STXBP5L: variants seen among roughly 807,000 people sequenced by gnomAD.
STXBP5L encodes syntaxin-binding protein 5-like.
Under a neutral mutation model 144.5 loss-of-function variants are expected in STXBP5L, and 65 were observed. The observed-to-expected ratio is 0.45, with a 90% CI of 0.37 to 0.55. The LOEUF (loss-of-function observed/expected upper bound fraction) is 0.55. STXBP5L is among the 20% of genes least tolerant of loss of function. The pLI is 0.00. For missense variants in STXBP5L, 1,298 were observed against 1,405.5 expected, an observed-to-expected ratio of 0.92 and a Z score of 1.22; for synonymous variants, 505 against 469.6, an observed-to-expected ratio of 1.08 and a Z score of -0.97.
intron 5 of STXBP5L, among the ~76,000 whole-genome samples, chr3:121,095,638 A>G (rs2043080010): frequency 6.6e-6 from 1 of 152,116 alleles, no homozygotes; most frequent in Non-Finnish European, 1.5e-5. Context: ...TAGCTCCATC[A>G]GGTCATTTAA....
chr3:120,915,904 T>G (rs180855668), intron 2 of STXBP5L, among the ~76,000 whole-genome samples: 6 of 152,260 alleles, frequency 3.9e-5, no homozygotes, highest in Non-Finnish European at 7.4e-5. Context: ...AGAGACTTGA[T>G]TAAATGAAGC....
chr3:121,369,607 G>T (rs1336145438), intron 20 of STXBP5L, among the ~76,000 whole-genome samples: 1 of 151,662 alleles, frequency 6.6e-6, no homozygotes, highest in Non-Finnish European at 1.5e-5. Flanking sequence ...CTTGAAGTCT[G>T]CAGTCACTTC....
chr3:121,274,730 ATT>A, intron 18 of STXBP5L, among the ~76,000 whole-genome samples: 1 of 152,146 alleles, frequency 6.6e-6, no homozygotes, highest in Non-Finnish European at 1.5e-5. Context: ...GCATATACAG[ATT>A]GCCTATAGAG....
At position 121,279,966 on chromosome 3, in the gene STXBP5L, A is replaced by T; in HGVS notation, c.2110+10A>T. 1 of 1,609,396 alleles carries T rather than the reference A, an allele frequency of 6.2e-7. No homozygotes were observed. The highest frequency in any genetic ancestry group is 1.1e-5 in the South Asian group (1 of 90,170). On this transcript the variant is annotated intron_variant, in intron 19 of 26. Transcript: ENST00000471454. ...AAACAGTTCATTGCAGGTAGGAGATAAAACAAGATGAGTTATGAACTTGAT... is the reference window on the plus strand; with the variant it reads ...AAACAGTTCATTGCAGGTAGGAGATTAAACAAGATGAGTTATGAACTTGAT...
In STXBP5L at chr3:121,413,298, G is replaced by A; in HGVS notation, c.3089G>A (p.Ser1030Asn). ...SPTEIQRLTY[S>N]QEMCDNLQDM... Reference sequence around the variant, plus strand: ...ACTGAAATTCAGCGGTTAACATACAGCCAAGAAATGTGTGATAATCTACAG... The same window carrying A: ...ACTGAAATTCAGCGGTTAACATACAACCAAGAAATGTGTGATAATCTACAG... Residue 1030 changes from serine (S) to asparagine (N), a missense_variant, in exon 24 of 27, where the codon AGC becomes AAC. Coordinates refer to ENST00000471454, the MANE Select transcript of STXBP5L (RefSeq NM_001308330.2). The A allele has an allele frequency of 6.3e-7, 1 of 1,584,054 alleles. No individual in the cohort carries two copies. Among genetic ancestry groups the A allele is most frequent in the Non-Finnish European group, 8.6e-7 (1 of 1,168,368 alleles).
chr3:121,090,086 C>G (rs534756148), intron 5 of STXBP5L, among the ~76,000 whole-genome samples: 14 of 151,922 alleles, frequency 9.2e-5, no homozygotes, highest in Non-Finnish European at 8.8e-5. Context: ...TTTTTTCATT[C>G]AAATTGAGGT....
chr3:120,993,801 T>G (rs1056296014), intron 3 of STXBP5L, among the ~76,000 whole-genome samples: 4 of 152,074 alleles, frequency 2.6e-5, no homozygotes, highest in Admixed American at 6.6e-5. Context: ...TGGTTCCATA[T>G]AAATTTTAGG....
At chr3:121,298,421 G>T (rs550021766) in intron 19 of STXBP5L, among the ~76,000 whole-genome samples, 1 of 152,136 alleles carries the variant, frequency 6.6e-6, no homozygotes, top group Admixed American at 6.5e-5. Flanking sequence ...TCTTAGCAAA[G>T]AATTCTTGAA....
At chr3:121,005,866 G>T (rs528850196) in intron 3 of STXBP5L, among the ~76,000 whole-genome samples, 75 of 152,286 alleles carry the variant, frequency 4.9e-4, no homozygotes, top group African/African-American at 1.7e-3. Flanking sequence ...GTGGTTTTGA[G>T]TGAGTTTCTT....
intron 3 of STXBP5L, among the ~76,000 whole-genome samples, chr3:120,986,651 A>G (rs1942313773): frequency 6.6e-6 from 1 of 151,982 alleles, no homozygotes; most frequent in South Asian, 2.1e-4. Context: ...TAATATTAGT[A>G]TAGACACACC....
chr3:121,140,765 G>A (rs1335602270), intron 7 of STXBP5L, among the ~76,000 whole-genome samples: 1 of 152,146 alleles, frequency 6.6e-6, no homozygotes, highest in Non-Finnish European at 1.5e-5. Context: ...ATGAGGACAT[G>A]TTGGTCAAAG....
At chr3:121,379,026 G>T in intron 21 of STXBP5L, 140 bp downstream of exon 21, 1 of 898,700 alleles carries the variant, frequency 1.1e-6, no homozygotes, top group South Asian at 1.8e-5. Context: ...AGCCTGATGG[G>T]GCTGTGGCCA....
chr3:121,224,396 A>G (rs2049058223), intron 11 of STXBP5L, among the ~76,000 whole-genome samples: 2 of 152,174 alleles, frequency 1.3e-5, no homozygotes, highest in South Asian at 4.1e-4. Context: ...AGTTACTAGG[A>G]CAGACAATTT....
chr3:121,106,542 A>G (rs2043719697), intron 5 of STXBP5L, among the ~76,000 whole-genome samples: 1 of 152,020 alleles, frequency 6.6e-6, no homozygotes, highest in African/African-American at 2.4e-5. Context: ...AATGGCTTTG[A>G]GCTCCATCCT....
chr3:121,280,436 T>G (rs2051019931), intron 19 of STXBP5L, among the ~76,000 whole-genome samples: 1 of 151,898 alleles, frequency 6.6e-6, no homozygotes. Flanking sequence ...ATGATGACCT[T>G]CCTGAAGGTA....
chr3:121,259,174 T>A lies in STXBP5L; in HGVS notation c.1958+6T>A. 6.5e-7 allele frequency: 1 copy of A among 1,529,472 alleles called. No individual in the cohort carries two copies. Among genetic ancestry groups the A allele is most frequent in the South Asian group, 1.4e-5 (1 of 72,924 alleles). The allele number at this position is 1,529,472 out of a possible 1,614,324, so 94.7% of individuals were successfully genotyped here. ...GTAAGCTCAGCATATGGAATGTAAG[T>A]AATTAAACTTTTTTATGATATGTAT... On this transcript the variant is annotated splice_donor_region_variant and intron_variant, in intron 18 of 26. Coordinates refer to ENST00000471454, the MANE Select transcript of STXBP5L (RefSeq NM_001308330.2).
chr3:121,290,691 C>G (rs1028583404), intron 19 of STXBP5L, among the ~76,000 whole-genome samples: 1 of 152,118 alleles, frequency 6.6e-6, no homozygotes, highest in Non-Finnish European at 1.5e-5. Context: ...AACAGCATAT[C>G]AAGAAGATAA....
chr3:121,342,803 A>G (rs1406695399), intron 20 of STXBP5L, among the ~76,000 whole-genome samples: 2 of 147,422 alleles, frequency 1.4e-5, no homozygotes, highest in Non-Finnish European at 3.0e-5. Context: ...GCCACAATAA[A>G]CATACATGTG....
chr3:121,222,882 T>A, intron 10 of STXBP5L, 121 bp from the exon 11 acceptor site: 2 of 1,127,070 alleles, frequency 1.8e-6, no homozygotes, highest in East Asian at 2.8e-5. Context: ...GCCGGGCAAG[T>A]TTTTTGCTGT....
Sources: gnomAD v4.1 joint callset for allele counts (sites outside exome capture counted in the v4.1 genomes callset) on GRCh38, gnomAD v4.1.1 for gene constraint, MANE v1.5 for transcripts, NCBI Gene and HGNC (gene_info 2026-07-23, HGNC 2026-07-21) for gene names.